Variants in WASF3 observed in about 807,000 individuals in gnomAD.
The protein encoded by WASF3 is WASP family member 3.
In WASF3, 11 loss-of-function variants were observed where a neutral mutation model predicts 46.6. That is an observed-to-expected ratio of 0.24 (90% CI 0.15 to 0.39). The LOEUF (loss-of-function observed/expected upper bound fraction) is 0.39. Among genes scored for constraint, WASF3 ranks in the 10% least tolerant of loss-of-function variants. The pLI is 1.00. For synonymous variants in WASF3, 242 were observed against 259.7 expected, an observed-to-expected ratio of 0.93 and a Z score of 0.65; for missense variants, 576 against 669.8, an observed-to-expected ratio of 0.86 and a Z score of 1.55.
intron 6 of WASF3, among the ~76,000 whole-genome samples, chr13:26,674,091 C>T (rs914136208): frequency 2.0e-5 from 3 of 152,118 alleles, no homozygotes; most frequent in Non-Finnish European, 2.9e-5. Context: ...TTAATGTAGG[C>T]CAGTGTAGCT....
At chr13:26,654,675 T>G (rs1404804766) in intron 3 of WASF3, among the ~76,000 whole-genome samples, 1 of 152,254 alleles carries the variant, frequency 6.6e-6, no homozygotes, top group Non-Finnish European at 1.5e-5. Flanking sequence ...TAAAAGTTCA[T>G]TATAGTTAAT....
At chr13:26,563,736 G>T (rs908922942) in intron 1 of WASF3, among the ~76,000 whole-genome samples, 3 of 145,788 alleles carry the variant, frequency 2.1e-5, no homozygotes, top group Non-Finnish European at 4.5e-5. Flanking sequence ...AGATGCTTCT[G>T]TTTCTTCTCT....
chr13:26,589,923 G>A (rs1880240150), intron 1 of WASF3, among the ~76,000 whole-genome samples: 1 of 152,030 alleles, frequency 6.6e-6, no homozygotes, highest in African/African-American at 2.4e-5. Flanking sequence ...CTGGACTTAC[G>A]CCAGGGCAGA....
intron 2 of WASF3, among the ~76,000 whole-genome samples, chr13:26,615,515 G>T (rs1343635442): frequency 6.6e-6 from 1 of 152,016 alleles, no homozygotes; most frequent in Non-Finnish European, 1.5e-5. Context: ...CACCATGTTG[G>T]CCAGGATGGT....
chr13:26,650,040 G>T (rs561973815), intron 3 of WASF3, among the ~76,000 whole-genome samples: 2 of 152,310 alleles, frequency 1.3e-5, no homozygotes, highest in South Asian at 4.1e-4. Context: ...CTGCATTCCA[G>T]CCTGGGCAAC....
the WASF3 span, among the ~76,000 whole-genome samples, chr13:26,549,634 T>C: frequency 0.11 from 17,013 of 152,212 alleles, 1,215 homozygotes; most frequent in South Asian, 0.23. Context: ...AGGCAAGTCA[T>C]TTAACTTCTG....
chr13:26,629,282 T>C (rs1308716800), intron 2 of WASF3, among the ~76,000 whole-genome samples: 1 of 152,226 alleles, frequency 6.6e-6, no homozygotes, highest in Non-Finnish European at 1.5e-5. Flanking sequence ...CTGTGCCCAC[T>C]CCCGAATTTC....
chr13:26,547,108 T>C, the WASF3 span, among the ~76,000 whole-genome samples: 5 of 152,132 alleles, frequency 3.3e-5, no homozygotes, highest in African/African-American at 4.8e-5. Flanking sequence ...GTTTTTTTTT[T>C]TCCCCTGAGT....
At chr13:26,547,413 C>T in the WASF3 span, among the ~76,000 whole-genome samples, 2 of 151,894 alleles carry the variant, frequency 1.3e-5, no homozygotes, top group African/African-American at 4.8e-5. Flanking sequence ...CACACACACA[C>T]ACACACACAC....
chr13:26,552,346 C>T, the WASF3 span, among the ~76,000 whole-genome samples: 1 of 152,140 alleles, frequency 6.6e-6, no homozygotes, highest in African/African-American at 2.4e-5. Flanking sequence ...TTTTCCTCAC[C>T]TCAAAATAAA....
intron 3 of WASF3, among the ~76,000 whole-genome samples, chr13:26,651,873 T>C (rs926718745): frequency 1.3e-5 from 2 of 152,264 alleles, no homozygotes; most frequent in Admixed American, 1.3e-4. Context: ...TGAAGTACTA[T>C]GTTATTTGAA....
intron 2 of WASF3, among the ~76,000 whole-genome samples, chr13:26,631,887 C>T (rs560888411): frequency 6.6e-5 from 10 of 152,284 alleles, no homozygotes; most frequent in East Asian, 1.9e-4. Context: ...ACGTCCTTCA[C>T]GTCCCTTGTA....
At chr13:26,628,053 TGGAAATGTGTTTCA>T (rs71188736) in intron 2 of WASF3, among the ~76,000 whole-genome samples, 50,229 of 151,824 alleles carry the variant, frequency 0.33, 8,806 homozygotes, top group East Asian at 0.57. Flanking sequence ...TGCCCGTACA[TGGAAATGTGTTTCA>T]GGCCAACCTG....
intron 3 of WASF3, among the ~76,000 whole-genome samples, chr13:26,650,606 T>G (rs1882285400): frequency 6.6e-6 from 1 of 152,146 alleles, no homozygotes; most frequent in Non-Finnish European, 1.5e-5. Flanking sequence ...AGATGGAAAT[T>G]CTAAGAATCA....
rs867584187 is a variant in WASF3, at chr13:26,682,462, T to G, written c.984-145T>G. The stretch of plus-strand genomic sequence containing the variant: ...AACTGTGAAAATAACTGACCCAAGG[T>G]GTGCATGTTTGCATCCTGCCATGAT... On this transcript the variant is annotated intron_variant, in intron 8 of 9. Coordinates refer to ENST00000335327, the MANE Select transcript of WASF3 (RefSeq NM_006646.6). This position sits in a 1 kb window ranked among gnomAD's most constrained non-coding sequence, Gnocchi z 4.4. 5 of 881,600 alleles carry G rather than the reference T, an allele frequency of 5.7e-6. No homozygotes were observed. The Middle Eastern group carries it at 1.3e-3, about 225-fold the overall frequency. The allele number at this position is 881,600 out of a possible 1,614,324, so 54.6% of individuals were successfully genotyped here. A position where few individuals can be genotyped will look rare whatever the true frequency, so the allele number is the denominator to read the frequency against.
At position 26,686,108 on chromosome 13, in the gene WASF3, T is replaced by G. The variant is rs1883397191; in HGVS notation, c.*263T>G. ...GTCCTGAAAACAGCATCTGCTTTCC[T>G]CTTGGCCATGAGAGTATTTAGTGCA... On this transcript the variant is annotated 3_prime_UTR_variant, in exon 10 of 10. Coordinates refer to ENST00000335327, the MANE Select transcript of WASF3 (RefSeq NM_006646.6). 1.2e-5 allele frequency: 5 copies of G among 433,956 alleles called. No homozygotes were observed. Among genetic ancestry groups the G allele is most frequent in the African/African-American group, 3.9e-5 (2 of 51,198 alleles). 26.9% of individuals were successfully genotyped at this position (433,956 alleles called of 1,614,324 possible).
chr13:26,642,733 G>T (rs1432356482), intron 3 of WASF3, among the ~76,000 whole-genome samples: 1 of 152,154 alleles, frequency 6.6e-6, no homozygotes, highest in East Asian at 1.9e-4. Context: ...GAATTATTTT[G>T]TTAAACTTGA....
intron 2 of WASF3, among the ~76,000 whole-genome samples, chr13:26,628,660 A>G (rs889393136): frequency 1.3e-5 from 2 of 152,066 alleles, no homozygotes; most frequent in Non-Finnish European, 2.9e-5. Flanking sequence ...TTTCTATTCC[A>G]TGGTAACATG....
the WASF3 span, among the ~76,000 whole-genome samples, chr13:26,543,646 G>A: frequency 6.6e-6 from 1 of 152,148 alleles, no homozygotes; most frequent in Admixed American, 6.5e-5. Context: ...TGCCCTTATT[G>A]CCTTCACAGG....
Sources: allele counts gnomAD v4.1 joint callset (sites outside exome capture counted in the v4.1 genomes callset), GRCh38; gene constraint gnomAD v4.1.1; non-coding constraint Gnocchi (gnomAD v3.1); transcripts MANE v1.5; gene names NCBI Gene and HGNC (gene_info 2026-07-23, HGNC 2026-07-21).